Variants in CFHR4 observed in about 807,000 individuals in gnomAD.
CFHR4 encodes the protein complement factor H related 4, also known as complement factor H-related protein 4.
A neutral mutation model predicts 69.3 loss-of-function variants in CFHR4; 64 were observed. The ratio of observed to expected loss-of-function variants is 0.92; its 90% CI spans 0.76 to 1.14. CFHR4 has a LOEUF of 1.14. Among genes scored for constraint, CFHR4 ranks in the 50% most tolerant of loss-of-function variants. CFHR4 has a pLI of 0.00. For missense variants in CFHR4, 636 were observed against 684.9 expected (o/e 0.93, Z 0.80); for synonymous variants, 244 against 237.0 (o/e 1.03, Z -0.27).
intron 2 of CFHR4, among the ~76,000 whole-genome samples, chr1:196,903,595 G>C (rs989589422): frequency 6.6e-6 from 1 of 151,070 alleles, no homozygotes; most frequent in Non-Finnish European, 1.5e-5. Context: ...GGAGGTTGCA[G>C]TGAGCTGAGA....
intron 5 of CFHR4, among the ~76,000 whole-genome samples, chr1:196,909,927 C>T (rs192353133): frequency 2.7e-5 from 4 of 150,908 alleles, no homozygotes; most frequent in Non-Finnish European, 5.9e-5. Context: ...CAAAGCAGGT[C>T]GATCACCTGA....
chr1:196,894,408 C>T (rs1657184443), intron 1 of CFHR4, among the ~76,000 whole-genome samples: 1 of 151,424 alleles, frequency 6.6e-6, no homozygotes, highest in African/African-American at 2.4e-5. Flanking sequence ...GTCATTATTT[C>T]TTCCTGCAAT....
chr1:196,893,280 G>A (rs1451040134), intron 1 of CFHR4, among the ~76,000 whole-genome samples: 1 of 151,632 alleles, frequency 6.6e-6, no homozygotes, highest in Non-Finnish European at 1.5e-5. Flanking sequence ...TTACGAAGGG[G>A]AGCAAGTTAG....
At chr1:196,891,935 A>G (rs1174263742) in intron 1 of CFHR4, among the ~76,000 whole-genome samples, 1 of 151,532 alleles carries the variant, frequency 6.6e-6, no homozygotes, top group Admixed American at 6.6e-5. Context: ...TCTAATACAA[A>G]CAAAATGCCA....
At chr1:196,896,489 T>C (rs1558237708) in intron 1 of CFHR4, among the ~76,000 whole-genome samples, 1 of 151,558 alleles carries the variant, frequency 6.6e-6, no homozygotes, top group South Asian at 2.1e-4. Flanking sequence ...TCTGTCTGCA[T>C]CTCTGTGATC....
rs373833073 is a variant in CFHR4 at position 196,915,029 on chromosome 1, T to C, written c.1431T>C (p.Tyr477=). ...GDTTSFLLKV[Y]VPQSRVEYQC... ...CCACCTCCTTTCTACTAAAAGTGTA[T>C]GTGCCACAGTCAAGAGTCGAGTACC... is the stretch of plus-strand genomic sequence containing the variant. The change falls in exon 9 of 10, where the codon TAT becomes TAC. Residue 477 remains tyrosine (Y), a synonymous_variant. Coordinates refer to ENST00000608469, the MANE Select transcript of CFHR4 (RefSeq NM_001201550.3). 2.0e-5 allele frequency: 33 copies of C among 1,613,142 alleles called. 1 individual carries two copies. The highest frequency in any genetic ancestry group is 2.7e-5 in the Non-Finnish European group (32 of 1,179,886).
In CFHR4 at chr1:196,893,889, T is replaced by C. The variant is rs184420858; in HGVS notation, c.58+5681T>C. Among the ~76,000 whole-genome samples, 253 of 151,638 alleles carry C rather than the reference T, an allele frequency of 1.7e-3. 12 individuals carry two copies. Among genetic ancestry groups the C allele is most frequent in the African/African-American group, 5.9e-3 (242 of 41,200 alleles). On this transcript the variant is annotated intron_variant, in intron 1 of 9. Coordinates refer to ENST00000608469, the MANE Select transcript of CFHR4 (RefSeq NM_001201550.3). ...TTTTCAATGTAGCTTAGAAGGGAAT[T>C]TTGTTTATTACATGAATTCTAAGAC...
intron 2 of CFHR4, 120 bp downstream of exon 2, chr1:196,902,735 C>T (rs1359344840): frequency 2.9e-6 from 2 of 678,518 alleles, no homozygotes; most frequent in East Asian, 5.4e-5. Context: ...GTTGTTCAAG[C>T]AAAAAGACCA....
chr1:196,908,496 T>C (rs1658039781), intron 5 of CFHR4, among the ~76,000 whole-genome samples: 1 of 151,386 alleles, frequency 6.6e-6, no homozygotes, highest in Non-Finnish European at 1.5e-5. Flanking sequence ...CAATGCTTTC[T>C]GTTTTCACCT....
intron 2 of CFHR4, among the ~76,000 whole-genome samples, chr1:196,904,876 C>T (rs776566112): frequency 3.0e-4 from 46 of 151,486 alleles, no homozygotes; most frequent in Non-Finnish European, 4.3e-4. Flanking sequence ...CAAGGCCTGC[C>T]AGAGCTCTGT....
chr1:196,895,143 G>A (rs750948277), intron 1 of CFHR4, among the ~76,000 whole-genome samples: 3 of 151,394 alleles, frequency 2.0e-5, no homozygotes, highest in Non-Finnish European at 4.4e-5. Context: ...TGAGGCAGGA[G>A]GATTGCTTTA....
intron 6 of CFHR4, among the ~76,000 whole-genome samples, chr1:196,912,231 G>A (rs1476265493): frequency 2.6e-5 from 4 of 151,102 alleles, no homozygotes; most frequent in East Asian, 1.9e-4. Context: ...CAAACACCAC[G>A]TCTATATGGG....
chr1:196,897,685 T>G (rs1008161482), intron 1 of CFHR4, among the ~76,000 whole-genome samples: 1 of 151,456 alleles, frequency 6.6e-6, no homozygotes, highest in African/African-American at 2.4e-5. Flanking sequence ...CATCCAGACA[T>G]TCCTGCTCTT....
At position 196,905,201 on chromosome 1, in the gene CFHR4, G is replaced by A; in HGVS notation, c.350G>A (p.Cys117Tyr). 1 of 1,611,004 alleles carries A rather than the reference G, an allele frequency of 6.2e-7. No homozygotes were observed. The highest frequency in any genetic ancestry group is 1.7e-4 in the Middle Eastern group (1 of 6,048). Residue 117 changes from cysteine (C) to tyrosine (Y), a missense_variant, in exon 3 of 10, where the codon TGT becomes TAT. By Grantham distance (194) the Cys-to-Tyr change is radical. Transcript: ENST00000608469. ...TTAAATGAAGAAACACAATATAATT[G>A]TAAACCAGGATATGCAACAGCAGAG... ...YILNEETQYN[C>Y]KPGYATAEGN... is the part of the protein sequence containing the mutation.
chr1:196,899,006 C>T (rs1474599996), intron 1 of CFHR4, among the ~76,000 whole-genome samples: 1 of 151,748 alleles, frequency 6.6e-6, no homozygotes, highest in Non-Finnish European at 1.5e-5. Context: ...TCACCTGAGC[C>T]ATATTTATTC....
intron 1 of CFHR4, among the ~76,000 whole-genome samples, chr1:196,892,164 T>A (rs1657073390): frequency 1.3e-5 from 2 of 151,580 alleles, no homozygotes; most frequent in Non-Finnish European, 1.5e-5. Flanking sequence ...GAGACCATAC[T>A]ACGTAGGAGA....
At chr1:196,907,179 TAAAAA>T in intron 4 of CFHR4, 132 bp from the exon 5 acceptor site, 1 of 1,194,702 alleles carries the variant, frequency 8.4e-7, no homozygotes, top group Non-Finnish European at 1.2e-6. Context: ...CCTTGAAACT[TAAAAA>T]AAAAGGTTGA....
intron 7 of CFHR4, among the ~76,000 whole-genome samples, chr1:196,913,912 T>C (rs1395913403): frequency 6.6e-6 from 1 of 151,456 alleles, no homozygotes; most frequent in African/African-American, 2.4e-5. Context: ...ATTTCTAGAA[T>C]ACTGTTTTCA....
At chr1:196,895,711 C>T (rs1178838725) in intron 1 of CFHR4, among the ~76,000 whole-genome samples, 1 of 151,236 alleles carries the variant, frequency 6.6e-6, no homozygotes, top group Non-Finnish European at 1.5e-5. Context: ...ATCTTTAATA[C>T]AGTTATTTTA....
Sources: gnomAD v4.1 joint callset for allele counts (sites outside exome capture counted in the v4.1 genomes callset) on GRCh38, gnomAD v4.1.1 for gene constraint, MANE v1.5 for transcripts, NCBI Gene and HGNC (gene_info 2026-07-23, HGNC 2026-07-21) for gene names.